Variants in ZSCAN9 observed in about 807,000 individuals in gnomAD.
ZSCAN9 encodes zinc finger and SCAN domain containing 9, also known as zinc finger and SCAN domain-containing protein 9.
Under a neutral mutation model 23.0 loss-of-function variants are expected in ZSCAN9, and 19 were observed. The observed-to-expected ratio is 0.83, with a 90% CI of 0.58 to 1.21. The LOEUF is 1.21. Ranked by LOEUF, ZSCAN9 falls within the 50% of genes most tolerant of loss-of-function variation. ZSCAN9 has a pLI of 0.00. For missense variants in ZSCAN9, 467 were observed against 471.5 expected, an observed-to-expected ratio of 0.99 and a Z score of 0.09; for synonymous variants, 155 against 164.8, an observed-to-expected ratio of 0.94 and a Z score of 0.46.
Position 28,227,211 on chromosome 6 carries a change from A to G in ZSCAN9, c.127A>G (p.Ser43Gly), listed in dbSNP as rs570954068. ...ATGGCAGGAATCCAGACTGAAACGC[A>G]GTAATCCACTGGCAAGGGAAATCTT... is the stretch of plus-strand genomic sequence containing the variant. ...LQWQESRLKR[S>G]NPLAREIFRR... Residue 43 changes from serine to glycine, a missense_variant, in exon 2 of 4, where the codon AGT (serine) becomes GGT (glycine). Coordinates refer to ENST00000252207, the MANE Select transcript of ZSCAN9 (RefSeq NM_006299.5). 65 of 1,614,248 alleles carry G rather than the reference A, an allele frequency of 4.0e-5. No individual in the cohort carries two copies. The East Asian group carries it at 1.4e-3, about 34-fold the overall frequency.
Position 28,232,824 on chromosome 6 carries a change from T to C in ZSCAN9, c.831T>C (p.Thr277=). The change falls in exon 4 of 4, where the codon ACT becomes ACC. Residue 277 remains threonine, a synonymous_variant. Transcript: ENST00000252207. ...SGLIRHQRIH[T]GERPYECNEC... ...TCATTCGACATCAAAGAATTCATAC[T>C]GGAGAAAGACCTTATGAATGTAATG... 6.2e-7 allele frequency: 1 copy of C among 1,614,214 alleles called. No homozygotes were observed. The highest frequency in any genetic ancestry group is 8.5e-7 in the Non-Finnish European group (1 of 1,180,038).
rs1016538091 is a variant in ZSCAN9 at position 28,233,393 on chromosome 6, C to T, written c.*215C>T. On this transcript the variant is annotated 3_prime_UTR_variant, in exon 4 of 4. Transcript: ENST00000252207. ...TCTTTCTTACTCTTACTAGCTGTGT[C>T]CCTCTTATTTATAATTTATTTATTT... 1.1e-5 allele frequency: 7 copies of T among 639,434 alleles called. No individual in the cohort carries two copies. The highest frequency in any genetic ancestry group is 1.6e-5 in the Non-Finnish European group (7 of 424,634). 39.6% of individuals were successfully genotyped at this position (639,434 alleles called of 1,614,324 possible).
At chr6:28,230,369 T>C in intron 3 of ZSCAN9, 2 of 1,536,128 alleles carry the variant, frequency 1.3e-6, no homozygotes, top group Non-Finnish European at 1.7e-6. Flanking sequence ...AGGGCAGTAC[T>C]GATCCCACTT....
rs1760379928 is a variant in ZSCAN9 at position 28,233,349 on chromosome 6, C to G, written c.*171C>G. 1.7e-6 allele frequency: 2 copies of G among 1,201,348 alleles called. No individual in the cohort carries two copies. Among genetic ancestry groups the G allele is most frequent in the Non-Finnish European group, 2.2e-6 (2 of 894,532 alleles). 74.4% of individuals were successfully genotyped at this position (1,201,348 alleles called of 1,614,324 possible). A position where few individuals can be genotyped will look rare whatever the true frequency, so the allele number is the denominator to read the frequency against. ...GTTGGGTGTTTGAAGCTACTGTTTT[C>G]TCTTTTGTTCATTTTACCTCTTTCT... On this transcript the variant is annotated 3_prime_UTR_variant, in exon 4 of 4. Coordinates refer to ENST00000252207, the MANE Select transcript of ZSCAN9 (RefSeq NM_006299.5).
intron 3 of ZSCAN9, chr6:28,230,390 T>A (rs777600742): frequency 6.5e-7 from 1 of 1,536,140 alleles, no homozygotes; most frequent in South Asian, 1.2e-5. Context: ...GGGGCCCATC[T>A]GTTCTCTACA....
In ZSCAN9 at chr6:28,227,430, T is replaced by G. The variant is rs781355445; in HGVS notation, c.346T>G (p.Cys116Gly). The change falls in exon 2 of 4, where the codon TGT becomes GGT. Residue 116 changes from cysteine to glycine, a missense_variant. Transcript: ENST00000252207. ...KELQGWVREH[C>G]PESGEEAVIL... is the part of the protein sequence containing the mutation. ...GCTCCAGGGCTGGGTGAGGGAACAC[T>G]GTCCAGAGAGTGGAGAAGAGGCTGT... 2 of 1,614,160 alleles carry G rather than the reference T, an allele frequency of 1.2e-6. No individual in the cohort carries two copies. The highest frequency in any genetic ancestry group is 1.7e-6 in the Non-Finnish European group (2 of 1,180,008).
chr6:28,228,096 G>T (rs1225466596), intron 3 of ZSCAN9: 1 of 683,262 alleles, frequency 1.5e-6, no homozygotes, highest in Non-Finnish European at 2.6e-6. Flanking sequence ...TCGCTGTGGA[G>T]CACAGCTTCA....
At chr6:28,225,792 C>T (rs1760099229) in intron 1 of ZSCAN9, among the ~76,000 whole-genome samples, 1 of 152,174 alleles carries the variant, frequency 6.6e-6, no homozygotes. Flanking sequence ...TTCCCTTTTC[C>T]TTAGTTCATT....
intron 3 of ZSCAN9, among the ~76,000 whole-genome samples, chr6:28,229,903 G>A (rs1760243585): frequency 6.6e-6 from 1 of 150,942 alleles, no homozygotes. Context: ...TGTCGCCCAG[G>A]CTGGAATGCA....
chr6:28,227,407 T>C lies in ZSCAN9; in HGVS notation c.323T>C (p.Leu108Pro). The C allele has an allele frequency of 2.5e-6, 4 of 1,614,140 alleles. No homozygotes were observed. Among genetic ancestry groups the C allele is most frequent in the Non-Finnish European group, 3.4e-6 (4 of 1,180,028 alleles). The change falls in exon 2 of 4, where the codon CTC becomes CCC. Residue 108 changes from leucine (L) to proline (P), a missense_variant. Coordinates refer to ENST00000252207, the MANE Select transcript of ZSCAN9 (RefSeq NM_006299.5). ...EQFLSILPKE[L>P]QGWVREHCPE... is the part of the protein sequence containing the mutation. ...TTTCTATCCATTCTGCCCAAGGAGC[T>C]CCAGGGCTGGGTGAGGGAACACTGT... is the stretch of plus-strand genomic sequence containing the variant.
intron 3 of ZSCAN9, chr6:28,228,166 T>G: frequency 1.6e-6 from 1 of 644,516 alleles, no homozygotes; most frequent in African/African-American, 1.8e-5. Flanking sequence ...TCATGGAAGC[T>G]GCTTGTATTG....
At chr6:28,226,675 C>T (rs1760123484) in intron 1 of ZSCAN9, among the ~76,000 whole-genome samples, 1 of 152,102 alleles carries the variant, frequency 6.6e-6, no homozygotes, top group African/African-American at 2.4e-5. Flanking sequence ...CTGACGTAAT[C>T]CCAGCACTTT....
At chr6:28,227,995 C>G in intron 3 of ZSCAN9, 158 bp downstream of exon 3, 1 of 902,716 alleles carries the variant, frequency 1.1e-6, no homozygotes, top group Non-Finnish European at 1.8e-6. Flanking sequence ...CATCTTTGAC[C>G]CTTCTCCCTG....
At chr6:28,228,467 A>G (rs956753854) in intron 3 of ZSCAN9, 1 of 183,956 alleles carries the variant, frequency 5.4e-6, no homozygotes, top group Non-Finnish European at 1.1e-5. Flanking sequence ...CTCTCATCTT[A>G]TAAGGACAGA....
chr6:28,227,481 G>A lies in ZSCAN9; in HGVS notation c.397G>A (p.Glu133Lys). The change falls in exon 2 of 4, where the codon GAG becomes AAG. Residue 133 changes from glutamate (E) to lysine (K), a missense_variant. Transcript: ENST00000252207. ...AVILLEDLER[E>K]LDEPQHEMVA... is the part of the protein sequence containing the mutation. ...GATTTTGCTGGAGGATCTGGAGAGA[G>A]AGCTCGATGAACCACAACATGAGGT... 1.2e-6 allele frequency: 2 copies of A among 1,602,466 alleles called. No homozygotes were observed. The highest frequency in any genetic ancestry group is 1.7e-6 in the Non-Finnish European group (2 of 1,174,856).
In ZSCAN9 at chr6:28,232,614, T is replaced by A; in HGVS notation, c.621T>A (p.Pro207=). ...AGTTGGTGCTAAGGAAAGACTGTCCTAAGATAGTGGAACCACATGGGAAAA... is the reference window on the plus strand; with the variant it reads ...AGTTGGTGCTAAGGAAAGACTGTCCAAAGATAGTGGAACCACATGGGAAAA... ...DRELVLRKDC[P]KIVEPHGKMF... Residue 207 remains proline, a synonymous_variant, in exon 4 of 4, where the codon CCT becomes CCA. Transcript: ENST00000252207. The A allele has an allele frequency of 6.2e-7, 1 of 1,614,160 alleles. No individual in the cohort carries two copies. The highest frequency in any genetic ancestry group is 8.5e-7 in the Non-Finnish European group (1 of 1,180,028).
At chr6:28,230,249 G>A (rs2113653615) in intron 3 of ZSCAN9, 4 of 1,216,858 alleles carry the variant, frequency 3.3e-6, no homozygotes, top group Non-Finnish European at 4.4e-6. Context: ...TGCTTCATAA[G>A]TCATGAAAGT....
intron 3 of ZSCAN9, chr6:28,229,169 A>C (rs1322320802): frequency 6.6e-6 from 1 of 152,204 alleles, no homozygotes; most frequent in Non-Finnish European, 1.5e-5. Context: ...CTCTTGATTT[A>C]AATTAAAGTG....
chr6:28,232,434 G>T (rs1022610646), intron 3 of ZSCAN9, 128 bp from the exon 4 acceptor site: 6 of 1,457,710 alleles, frequency 4.1e-6, no homozygotes, highest in Non-Finnish European at 4.5e-6. Context: ...GTAGGGGAAA[G>T]TGTTACCACA....
Sources: allele counts gnomAD v4.1 joint callset (sites outside exome capture counted in the v4.1 genomes callset), GRCh38; gene constraint gnomAD v4.1.1; transcripts MANE v1.5; gene names NCBI Gene and HGNC (gene_info 2026-07-23, HGNC 2026-07-21).